The following SCG3 variants were observed in gnomAD, a reference collection of about 807,000 sequenced individuals.
SCG3 encodes the protein secretogranin-3.
SCG3 carries 38 observed loss-of-function variants against 56.2 expected under a neutral mutation model. The observed-to-expected ratio is 0.68, with a 90% CI of 0.52 to 0.89. The LOEUF is 0.89. Among genes scored for constraint, SCG3 ranks in the 40% least tolerant of loss-of-function variants. The pLI is 0.00. For synonymous variants in SCG3, 176 were observed against 184.2 expected (o/e 0.96, Z 0.36); for missense variants, 524 against 540.7 (o/e 0.97, Z 0.31).
chr15:51,683,897 A>G lies in SCG3; in HGVS notation c.397+463A>G, dbSNP rs148263425. On this transcript the variant is annotated intron_variant, in intron 4 of 11. Transcript: ENST00000220478. Reference sequence around the variant, plus strand: ...TTTACGTGGCTTCAATTACATCTATATCCTAACATCCCATATCACTAGGCC... The same window carrying G: ...TTTACGTGGCTTCAATTACATCTATGTCCTAACATCCCATATCACTAGGCC... 2.4e-4 allele frequency among the ~76,000 whole-genome samples: 36 copies of G among 152,252 alleles called. 1 individual carries two copies. Among genetic ancestry groups the G allele is most frequent in the African/African-American group, 8.4e-4 (35 of 41,536 alleles).
chr15:51,687,966 T>C (rs1363051593), intron 4 of SCG3, among the ~76,000 whole-genome samples: 1 of 152,198 alleles, frequency 6.6e-6, no homozygotes, highest in Admixed American at 6.5e-5. Context: ...AAGTATAATA[T>C]GGTTTGTATT....
chr15:51,692,461 T>A, intron 7 of SCG3, 125 bp downstream of exon 7: 1 of 826,928 alleles, frequency 1.2e-6, no homozygotes, highest in Non-Finnish European at 1.8e-6. Context: ...ACTGTGGGCT[T>A]GGGGAAAAGG....
At chr15:51,696,526 G>A (rs1413343102) in intron 8 of SCG3, among the ~76,000 whole-genome samples, 2 of 152,076 alleles carry the variant, frequency 1.3e-5, no homozygotes, top group East Asian at 3.8e-4. Flanking sequence ...ACTCCAGCCT[G>A]GGCCACAAAG....
intron 4 of SCG3, among the ~76,000 whole-genome samples, chr15:51,683,762 T>G (rs1201500877): frequency 6.6e-6 from 1 of 152,202 alleles, no homozygotes; most frequent in Non-Finnish European, 1.5e-5. Context: ...TTTCAAATAA[T>G]TAGATCAGTA....
intron 11 of SCG3, among the ~76,000 whole-genome samples, chr15:51,716,065 G>C (rs77934251): frequency 6.6e-6 from 1 of 152,204 alleles, no homozygotes; most frequent in Non-Finnish European, 1.5e-5. Context: ...CACCGTGTTA[G>C]CCTGGATGGC....
intron 7 of SCG3, among the ~76,000 whole-genome samples, chr15:51,694,587 G>A (rs893495049): frequency 6.6e-6 from 1 of 152,174 alleles, no homozygotes; most frequent in Admixed American, 6.5e-5. Context: ...GGGAAAATGG[G>A]TTCCCCCTCT....
chr15:51,720,919 G>C lies in SCG3; in HGVS notation c.*1393G>C, dbSNP rs1736863730. 1 of 161,178 alleles carries C rather than the reference G, an allele frequency of 6.2e-6. No individual in the cohort carries two copies. Among genetic ancestry groups the C allele is most frequent in the Non-Finnish European group, 1.3e-5 (1 of 74,956 alleles). 10.0% of individuals were successfully genotyped at this position (161,178 alleles called of 1,614,324 possible). A position where few individuals can be genotyped will look rare whatever the true frequency, so the allele number is the denominator to read the frequency against. On this transcript the variant is annotated 3_prime_UTR_variant, in exon 12 of 12. Transcript: ENST00000220478. ...ACGGAACATGGGAGGGGACAAATAA[G>C]GGAATAAAATCTGGCCACCCCAGCC...
chr15:51,684,355 T>G (rs1463420354), intron 4 of SCG3, among the ~76,000 whole-genome samples: 1 of 152,188 alleles, frequency 6.6e-6, no homozygotes, highest in Non-Finnish European at 1.5e-5. Context: ...GGTAGTTTCC[T>G]TACCCGAAGT....
chr15:51,710,548 C>T (rs901340074), intron 10 of SCG3, among the ~76,000 whole-genome samples: 1 of 152,032 alleles, frequency 6.6e-6, no homozygotes, highest in African/African-American at 2.4e-5. Flanking sequence ...TAATTGGTTC[C>T]TGAACAAAAA....
At chr15:51,704,503 A>T (rs1303252101) in intron 10 of SCG3, among the ~76,000 whole-genome samples, 1 of 149,336 alleles carries the variant, frequency 6.7e-6, no homozygotes, top group Non-Finnish European at 1.5e-5. Flanking sequence ...GGCAATAACC[A>T]TTCTATTTTC....
chr15:51,691,190 C>T (rs2055264589), intron 6 of SCG3, among the ~76,000 whole-genome samples: 1 of 152,162 alleles, frequency 6.6e-6, no homozygotes. Context: ...CTGAAACAAG[C>T]ACAGTGTTGC....
chr15:51,718,963 G>A (rs2055477605), intron 11 of SCG3, among the ~76,000 whole-genome samples: 2 of 152,110 alleles, frequency 1.3e-5, no homozygotes, highest in African/African-American at 4.8e-5. Flanking sequence ...CCTTGAACAA[G>A]GCACTTAACC....
chr15:51,688,134 A>AACCACC, intron 4 of SCG3, 126 bp from the exon 5 acceptor site: 1 of 899,432 alleles, frequency 1.1e-6, no homozygotes, highest in Non-Finnish European at 1.5e-6. Context: ...GTGGACCGAG[A>AACCACC]ACCACCATAA....
At chr15:51,686,681 ATGTT>A (rs59206609) in intron 4 of SCG3, among the ~76,000 whole-genome samples, 69 of 150,588 alleles carry the variant, frequency 4.6e-4, no homozygotes, top group Non-Finnish European at 7.5e-4. Context: ...AACTGATTTT[ATGTT>A]TGTTTGTTTG....
At chr15:51,708,537 G>C (rs189874617) in intron 10 of SCG3, among the ~76,000 whole-genome samples, 8 of 152,194 alleles carry the variant, frequency 5.3e-5, no homozygotes, top group Non-Finnish European at 8.8e-5. Context: ...TTCGCTAAGT[G>C]ATTTTAATGT....
intron 4 of SCG3, among the ~76,000 whole-genome samples, chr15:51,686,326 A>G (rs899455414): frequency 2.0e-5 from 3 of 152,224 alleles, no homozygotes; most frequent in African/African-American, 7.2e-5. Context: ...GGGGAGACCT[A>G]AGTTCCTGGC....
chr15:51,702,341 C>A (rs1353020262), intron 10 of SCG3, among the ~76,000 whole-genome samples: 1 of 152,130 alleles, frequency 6.6e-6, no homozygotes, highest in Non-Finnish European at 1.5e-5. Flanking sequence ...ACTGCAACCT[C>A]CACCTCCTGG....
intron 1 of SCG3, 109 bp from the exon 2 acceptor site, chr15:51,682,408 A>C (rs1387910764): frequency 4.9e-5 from 28 of 566,470 alleles, no homozygotes; most frequent in Non-Finnish European, 6.5e-5. Flanking sequence ...TAGTCATCCA[A>C]AATTATTTCT....
chr15:51,710,488 A>T (rs535292132), intron 10 of SCG3, among the ~76,000 whole-genome samples: 1 of 152,364 alleles, frequency 6.6e-6, no homozygotes, highest in Admixed American at 6.5e-5. Context: ...TGAATAAAAT[A>T]GCTTTTCATA....
Sources: allele counts gnomAD v4.1 joint callset (sites outside exome capture counted in the v4.1 genomes callset), GRCh38; gene constraint gnomAD v4.1.1; transcripts MANE v1.5; gene names NCBI Gene and HGNC (gene_info 2026-07-23, HGNC 2026-07-21).